Variants in SYTL5 observed in about 807,000 individuals in gnomAD.
The protein encoded by SYTL5 is synaptotagmin like 5.
Under a neutral mutation model 55.9 loss-of-function variants are expected in SYTL5, and 34 were observed. The ratio of observed to expected loss-of-function variants is 0.61; its 90% confidence interval spans 0.46 to 0.81. The LOEUF is 0.81. Ranked by LOEUF, SYTL5 falls within the 30% of genes least tolerant of loss-of-function variation. The pLI, the probability that SYTL5 is intolerant of heterozygous loss-of-function variation, is 0.00. For synonymous variants in SYTL5, 221 were observed against 188.7 expected, an observed-to-expected ratio of 1.17 and a Z score of -1.40; for missense variants, 637 against 546.7, an observed-to-expected ratio of 1.17 and a Z score of -1.65.
At chrX:37,921,150 C>G in the SYTL5 span, among the ~76,000 whole-genome samples, 1 of 111,434 alleles carries the variant, frequency 9.0e-6, no homozygotes, top group East Asian at 2.8e-4. Flanking sequence ...GAGTAAGTGC[C>G]ATTATTATTC....
At chrX:38,054,178 T>C in intron 2 of SYTL5, 35 bp from the exon 3 acceptor site, 2 of 1,086,092 alleles carry the variant, frequency 1.8e-6, no homozygotes, top group Non-Finnish European at 2.5e-6. Context: ...TCCTGTTTGT[T>C]TTTTTAAGTG....
At chrX:38,094,240 T>A (rs904681136) in intron 7 of SYTL5, 55 bp from the exon 8 acceptor site, 9 of 1,062,862 alleles carry the variant, frequency 8.5e-6, no homozygotes, top group Non-Finnish European at 1.0e-5. Context: ...GTAGATGAAT[T>A]TTATAGTAAA....
At chrX:38,099,768 A>G (rs1001583720) in intron 9 of SYTL5, among the ~76,000 whole-genome samples, 1 of 110,941 alleles carries the variant, frequency 9.0e-6, no homozygotes, top group Non-Finnish European at 1.9e-5. Flanking sequence ...TCATTTGTTG[A>G]GTTTTTAGTA....
chrX:37,898,321 G>C, the SYTL5 span, among the ~76,000 whole-genome samples: 20 of 111,463 alleles, frequency 1.8e-4, no homozygotes, highest in Non-Finnish European at 3.2e-4. Flanking sequence ...ATATGAATGT[G>C]GGGGGACACA....
chrX:37,980,164 A>T, the SYTL5 span, among the ~76,000 whole-genome samples: 83 of 112,141 alleles, frequency 7.4e-4, no homozygotes, highest in Non-Finnish European at 9.2e-4. Flanking sequence ...TTTCAACTTG[A>T]CTTAATTTGT....
intron 6 of SYTL5, among the ~76,000 whole-genome samples, chrX:38,083,240 A>G (rs777269502): frequency 9.0e-6 from 1 of 111,338 alleles, no homozygotes; most frequent in African/African-American, 3.3e-5. Flanking sequence ...ATGCTAAAAA[A>G]CAAAAATATT....
the SYTL5 span, among the ~76,000 whole-genome samples, chrX:37,900,783 C>T: frequency 2.7e-5 from 3 of 110,901 alleles, no homozygotes; most frequent in Admixed American, 2.9e-4. Context: ...ATTACCATGG[C>T]CAGGCAGGTA....
intron 3 of SYTL5, among the ~76,000 whole-genome samples, chrX:38,059,497 T>C (rs1935882440): frequency 8.9e-6 from 1 of 111,974 alleles, no homozygotes; most frequent in Non-Finnish European, 1.9e-5. Context: ...AATTTCAAAA[T>C]TGGGACCTTG....
intron 4 of SYTL5, among the ~76,000 whole-genome samples, chrX:38,073,081 GAGTAC>G (rs1936307127): frequency 9.0e-6 from 1 of 111,727 alleles, no homozygotes; most frequent in Non-Finnish European, 1.9e-5. Flanking sequence ...AGATGGTGTG[GAGTAC>G]AGTTAGAATT....
rs894395380 is a variant in SYTL5 at position 38,127,531 on chromosome X, C to T, written c.*801C>T. 1.8e-5 allele frequency: 2 copies of T among 111,551 alleles called. No individual in the cohort carries two copies. The highest frequency in any genetic ancestry group is 6.5e-5 in the African/African-American group (2 of 30,636). 9.2% of individuals were successfully genotyped at this position (111,551 alleles called of 1,213,427 possible). A position where few individuals can be genotyped will look rare whatever the true frequency, so the allele number is the denominator to read the frequency against. On this transcript the variant is annotated 3_prime_UTR_variant, in exon 17 of 17. Coordinates refer to ENST00000297875, the MANE Select transcript of SYTL5 (RefSeq NM_138780.3). ...TACCTTTTCACATTGTGTTCACTGA[C>T]GAGACTAGTTTAATGAAAAAGGAGG... is the stretch of plus-strand genomic sequence containing the variant.
chrX:37,945,237 A>G, the SYTL5 span, among the ~76,000 whole-genome samples: 2 of 112,211 alleles, frequency 1.8e-5, no homozygotes, highest in African/African-American at 6.5e-5. Context: ...GAAGAAAAAT[A>G]TGATGTGGTT....
At chrX:37,995,492 C>T in the SYTL5 span, among the ~76,000 whole-genome samples, 28 of 112,104 alleles carry the variant, frequency 2.5e-4, no homozygotes, top group South Asian at 7.6e-3. Flanking sequence ...ATGCCCACCC[C>T]ACCACTGGAT....
chrX:38,058,502 T>C lies in SYTL5; in HGVS notation c.329+4080T>C, dbSNP rs183645793. ...AGTATTTCCTTTAGTGTGGCTTTGC[T>C]GGTGGTGAATACTCTCAATTTTTTT... On this transcript the variant is annotated intron_variant, in intron 3 of 16. Transcript: ENST00000297875. Among the ~76,000 whole-genome samples, 277 of 110,458 alleles carry C rather than the reference T, an allele frequency of 2.5e-3. 1 individual carries two copies. Among genetic ancestry groups the C allele is most frequent in the Non-Finnish European group, 3.7e-3 (194 of 52,400 alleles).
In SYTL5 at chrX:38,080,416, T is replaced by G. The variant is rs1322961744; in HGVS notation, c.689+3715T>G. Among the ~76,000 whole-genome samples the G allele has an allele frequency of 2.7e-5, 3 of 111,491 alleles. No individual in the cohort carries two copies. In the East Asian group the frequency reaches 8.5e-4, roughly 31 times the overall value. ...TCTCGTAACCAACTAGGTTCTCATC[T>G]TTCTGCCCTCCCACTCCTCCACTCC... On this transcript the variant is annotated intron_variant, in intron 6 of 16. Coordinates refer to ENST00000297875, the MANE Select transcript of SYTL5 (RefSeq NM_138780.3).
chrX:37,919,989 C>T, the SYTL5 span, among the ~76,000 whole-genome samples: 4 of 111,194 alleles, frequency 3.6e-5, no homozygotes, highest in African/African-American at 1.3e-4. Flanking sequence ...GGAGAAAATC[C>T]ACTGGAATAT....
At chrX:37,903,949 C>T in the SYTL5 span, among the ~76,000 whole-genome samples, 1 of 111,363 alleles carries the variant, frequency 9.0e-6, no homozygotes, top group Non-Finnish European at 1.9e-5. Context: ...TTATTATCTG[C>T]TCTTCCCCTT....
At chrX:37,897,214 G>A in the SYTL5 span, among the ~76,000 whole-genome samples, 87 of 104,219 alleles carry the variant, frequency 8.3e-4, no homozygotes, top group Admixed American at 2.0e-3. Context: ...GCCGGGTGCG[G>A]TGGCTCATGT....
chrX:37,980,642 C>T, the SYTL5 span, among the ~76,000 whole-genome samples: 1 of 112,200 alleles, frequency 8.9e-6, no homozygotes, highest in Non-Finnish European at 1.9e-5. Context: ...AGGACTGGTA[C>T]AGCAAAGAAC....
intron 6 of SYTL5, among the ~76,000 whole-genome samples, chrX:38,078,034 A>G (rs1416240127): frequency 9.0e-6 from 1 of 110,824 alleles, no homozygotes; most frequent in African/African-American, 3.3e-5. Flanking sequence ...CCTTGTCTCA[A>G]AAAAAAATGA....
Sources: allele counts gnomAD v4.1 joint callset (sites outside exome capture counted in the v4.1 genomes callset), GRCh38; gene constraint gnomAD v4.1.1; transcripts MANE v1.5; gene names NCBI Gene and HGNC (gene_info 2026-07-23, HGNC 2026-07-21).